Variants in ARK2C observed in about 807,000 individuals in gnomAD.
The protein encoded by ARK2C is E3 ubiquitin-protein ligase ARK2C.
chr18:46,334,470 A>AC, the ARK2C span: 1 of 731,316 alleles, frequency 1.4e-6, no homozygotes, highest in Non-Finnish European at 2.0e-6. The surrounding 1 kb of genome is among the most constrained non-coding windows in gnomAD (Gnocchi z 4.4). Flanking sequence ...GCTTCCCCCC[A>AC]CCCCATTTTA....
At chr18:46,433,127 A>AG in the ARK2C span, 3 of 1,336,782 alleles carry the variant, frequency 2.2e-6, no homozygotes, top group Non-Finnish European at 3.0e-6. Flanking sequence ...GGTGGGCACA[A>AG]GGGTCAGTGT....
At chr18:46,440,976 T>C in the ARK2C span, among the ~76,000 whole-genome samples, 1 of 151,968 alleles carries the variant, frequency 6.6e-6, no homozygotes, top group Non-Finnish European at 1.5e-5. Flanking sequence ...TTGTGTAGGA[T>C]TGGCATTATT....
chr18:46,424,312 G>A, the ARK2C span, among the ~76,000 whole-genome samples: 1 of 152,224 alleles, frequency 6.6e-6, no homozygotes, highest in East Asian at 1.9e-4. Flanking sequence ...TGGGGGTCTG[G>A]GAGAGATGAG....
chr18:46,406,638 G>A, the ARK2C span, among the ~76,000 whole-genome samples: 1,427 of 152,340 alleles, frequency 9.4e-3, 20 homozygotes, highest in African/African-American at 0.033. Context: ...TACCTGGCCC[G>A]GGTGCCCTCA....
the ARK2C span, among the ~76,000 whole-genome samples, chr18:46,341,866 A>G: frequency 6.6e-6 from 1 of 152,296 alleles, no homozygotes; most frequent in South Asian, 2.1e-4. Flanking sequence ...CTTTCTTGAA[A>G]AGACAGACCC....
At chr18:46,361,205 C>G in the ARK2C span, among the ~76,000 whole-genome samples, 5 of 152,098 alleles carry the variant, frequency 3.3e-5, no homozygotes, top group African/African-American at 1.2e-4. Context: ...TTTGGGTGCT[C>G]TAAGCTGGGC....
chr18:46,340,134 A>G, the ARK2C span, among the ~76,000 whole-genome samples: 2 of 152,228 alleles, frequency 1.3e-5, no homozygotes, highest in Non-Finnish European at 2.9e-5. Flanking sequence ...CTATGGATCT[A>G]AACAGCTTTG....
At chr18:46,435,191 G>C in the ARK2C span, 2 of 967,706 alleles carry the variant, frequency 2.1e-6, no homozygotes. Flanking sequence ...GGCTGCAAGA[G>C]TGGGGCACCC....
chr18:46,399,650 G>C, the ARK2C span, among the ~76,000 whole-genome samples: 1 of 152,150 alleles, frequency 6.6e-6, no homozygotes, highest in Non-Finnish European at 1.5e-5. Context: ...CTTACTGCTG[G>C]GGCCACCAGC....
chr18:46,431,284 G>A, the ARK2C span, among the ~76,000 whole-genome samples: 2 of 152,074 alleles, frequency 1.3e-5, no homozygotes, highest in African/African-American at 4.8e-5. Context: ...GTAATCAAAC[G>A]ACCGATCACT....
At chr18:46,438,784 C>T in the ARK2C span, among the ~76,000 whole-genome samples, 4 of 152,228 alleles carry the variant, frequency 2.6e-5, no homozygotes. Context: ...GTGACAGGCT[C>T]ATCATGAGCT....
chr18:46,386,400 G>A, the ARK2C span: 1 of 152,224 alleles, frequency 6.6e-6, no homozygotes, highest in East Asian at 1.9e-4. Flanking sequence ...TGGTGGAGCT[G>A]GGGCAGGTGT....
chr18:46,336,084 G>A, the ARK2C span: 1 of 985,226 alleles, frequency 1.0e-6, no homozygotes, highest in South Asian at 4.7e-5. Context: ...AGAAAGAGGG[G>A]GGCTGGATGC....
At chr18:46,444,627 C>T in the ARK2C span, among the ~76,000 whole-genome samples, 4 of 151,338 alleles carry the variant, frequency 2.6e-5, no homozygotes, top group East Asian at 7.7e-4. Flanking sequence ...CCATACCCAA[C>T]TAATTTAAAC....
chr18:46,415,005 G>A, the ARK2C span, among the ~76,000 whole-genome samples: 1 of 152,190 alleles, frequency 6.6e-6, no homozygotes, highest in African/African-American at 2.4e-5. Context: ...CACTCCATCG[G>A]CTTCAGATAA....
the ARK2C span, chr18:46,334,437 G>A: frequency 3.0e-6 from 3 of 1,004,158 alleles, no homozygotes; most frequent in African/African-American, 1.7e-5. This position sits in a 1 kb window ranked among gnomAD's most constrained non-coding sequence, Gnocchi z 4.4. Flanking sequence ...GGGCACACCC[G>A]CGAGGACGCA....
the ARK2C span, among the ~76,000 whole-genome samples, chr18:46,383,839 C>T: frequency 2.0e-5 from 3 of 152,124 alleles, no homozygotes; most frequent in Non-Finnish European, 2.9e-5. Flanking sequence ...GCGTGAGCCA[C>T]CGCGCCCGGC....
the ARK2C span, among the ~76,000 whole-genome samples, chr18:46,350,794 G>A: frequency 1.3e-5 from 2 of 152,200 alleles, no homozygotes; most frequent in Non-Finnish European, 2.9e-5. Flanking sequence ...AAGCTGGCGA[G>A]CCAGGCACAC....
the ARK2C span, among the ~76,000 whole-genome samples, chr18:46,342,870 T>C: frequency 1.3e-5 from 2 of 152,220 alleles, no homozygotes; most frequent in Admixed American, 1.3e-4. Context: ...AATGCAGTCA[T>C]ATTTTTGTTC....
Sources: gnomAD v4.1 joint callset for allele counts (sites outside exome capture counted in the v4.1 genomes callset) on GRCh38, gnomAD v4.1.1 for gene constraint, Gnocchi (gnomAD v3.1) non-coding constraint, MANE v1.5 for transcripts, NCBI Gene and HGNC (gene_info 2026-07-23, HGNC 2026-07-21) for gene names.